Variants in DSCAML1 observed in about 807,000 individuals in gnomAD.
DSCAML1 encodes the protein DS cell adhesion molecule like 1, also known as cell adhesion molecule DSCAML1.
In DSCAML1, 38 loss-of-function variants were observed where a neutral mutation model predicts 200.5. The observed-to-expected ratio is 0.19, with a 90% confidence interval of 0.15 to 0.25. The LOEUF (loss-of-function observed/expected upper bound fraction) is 0.25, where lower values mean the gene tolerates loss of function less well. Among genes scored for constraint, DSCAML1 ranks in the 10% least tolerant of loss-of-function variants. DSCAML1 has a pLI of 1.00. For synonymous variants in DSCAML1, 1,215 were observed against 1,165.0 expected (o/e 1.04, Z -0.87); for missense variants, 2,223 against 2,858.8 (o/e 0.78, Z 5.07).
chr11:117,698,164 G>T (rs1256988647), intron 3 of DSCAML1, among the ~76,000 whole-genome samples: 1 of 152,214 alleles, frequency 6.6e-6, no homozygotes, highest in Non-Finnish European at 1.5e-5. Flanking sequence ...CCCTTGGGTT[G>T]TTTCCACCTT....
At chr11:117,453,977 C>A (rs1370981804) in intron 19 of DSCAML1, among the ~76,000 whole-genome samples, 1 of 152,130 alleles carries the variant, frequency 6.6e-6, no homozygotes, top group Non-Finnish European at 1.5e-5. Context: ...CTCCTGACCT[C>A]ATGATCGACC....
At chr11:117,552,901 T>C (rs898906452) in intron 3 of DSCAML1, among the ~76,000 whole-genome samples, 4 of 152,194 alleles carry the variant, frequency 2.6e-5, no homozygotes, top group Non-Finnish European at 5.9e-5. Flanking sequence ...TTACTACAAG[T>C]GCGCGATGTG....
At position 117,726,376 on chromosome 11, in the gene DSCAML1, C is replaced by T. The variant is rs527268984; in HGVS notation, c.511+50415G>A. On this transcript the variant is annotated intron_variant, in intron 3 of 32. Transcript: ENST00000651296. ...GGGGAAGGGAGAGGAGGGACATCAC[C>T]TTGGGGCAATTTGTTGTTGTTAGTA... is the stretch of plus-strand genomic sequence containing the variant. Among the ~76,000 whole-genome samples the T allele has an allele frequency of 3.3e-5, 5 of 151,960 alleles. No homozygotes were observed. In the South Asian group the frequency reaches 1.0e-3, roughly 32 times the overall value.
intron 3 of DSCAML1, among the ~76,000 whole-genome samples, chr11:117,569,722 G>A (rs1158258768): frequency 3.3e-5 from 5 of 152,184 alleles, no homozygotes; most frequent in Non-Finnish European, 7.3e-5. Context: ...CTGCAGCCAG[G>A]TAGGCTTGTG....
chr11:117,553,152 G>A (rs866192858), intron 3 of DSCAML1, among the ~76,000 whole-genome samples: 1 of 152,200 alleles, frequency 6.6e-6, no homozygotes, highest in Non-Finnish European at 1.5e-5. Context: ...TCGAAGGCCT[G>A]AGTGCAAGAG....
chr11:117,749,355 C>T (rs2054567008), intron 3 of DSCAML1, among the ~76,000 whole-genome samples: 1 of 152,246 alleles, frequency 6.6e-6, no homozygotes, highest in Non-Finnish European at 1.5e-5. Context: ...ACGAGCCTTC[C>T]TCCCAGAAGC....
intron 3 of DSCAML1, among the ~76,000 whole-genome samples, chr11:117,760,469 G>C (rs759181816): frequency 2.0e-5 from 3 of 152,186 alleles, no homozygotes; most frequent in African/African-American, 4.8e-5. Context: ...TTGTACAAAT[G>C]GCACCATAAT....
intron 3 of DSCAML1, among the ~76,000 whole-genome samples, chr11:117,679,656 C>A (rs753965840): frequency 1.3e-5 from 2 of 152,214 alleles, no homozygotes; most frequent in African/African-American, 2.4e-5. Context: ...ACCTTCCCTG[C>A]TGTCTAGGCT....
chr11:117,745,520 G>A (rs954264397), intron 3 of DSCAML1, among the ~76,000 whole-genome samples: 13 of 152,070 alleles, frequency 8.5e-5, no homozygotes, highest in Admixed American at 3.3e-4. Context: ...GGGTCTTCCC[G>A]GCCCTCCTAG....
chr11:117,732,211 A>G (rs573406326), intron 3 of DSCAML1, among the ~76,000 whole-genome samples: 8 of 152,326 alleles, frequency 5.3e-5, no homozygotes, highest in Non-Finnish European at 1.0e-4. Context: ...AAGCTTTTGC[A>G]TATATTCCAT....
At chr11:117,746,049 C>CT (rs1238161975) in intron 3 of DSCAML1, among the ~76,000 whole-genome samples, 1 of 148,954 alleles carries the variant, frequency 6.7e-6, no homozygotes, top group African/African-American at 2.5e-5. Flanking sequence ...CCTGTCTCTA[C>CT]TAAAAAAAAA....
intron 3 of DSCAML1, among the ~76,000 whole-genome samples, chr11:117,747,144 G>A (rs1443804172): frequency 2.0e-5 from 3 of 152,154 alleles, no homozygotes; most frequent in Non-Finnish European, 4.4e-5. Flanking sequence ...CCCTTCCTGA[G>A]TCTTCACCAC....
intron 3 of DSCAML1, among the ~76,000 whole-genome samples, chr11:117,706,396 T>G (rs1287701048): frequency 1.3e-5 from 2 of 152,198 alleles, no homozygotes; most frequent in Non-Finnish European, 2.9e-5. Context: ...CTTCTAACTT[T>G]CCCATGACTC....
intron 8 of DSCAML1, among the ~76,000 whole-genome samples, chr11:117,507,918 T>TCGGGC (rs2049535224): frequency 6.6e-6 from 1 of 152,176 alleles, no homozygotes. Context: ...GCCTTAGACA[T>TCGGGC]CTTCAGATAG....
At chr11:117,454,562 T>C (rs1213445984) in intron 19 of DSCAML1, among the ~76,000 whole-genome samples, 2 of 152,246 alleles carry the variant, frequency 1.3e-5, no homozygotes, top group East Asian at 1.9e-4. Flanking sequence ...TTAAAGTCCA[T>C]GTTTGATAAA....
At chr11:117,514,511 T>C (rs1306387280) in intron 8 of DSCAML1, among the ~76,000 whole-genome samples, 3 of 152,110 alleles carry the variant, frequency 2.0e-5, no homozygotes, top group Non-Finnish European at 4.4e-5. Flanking sequence ...TCTGGAGTTA[T>C]GCAGACCTGG....
Position 117,431,084 on chromosome 11 carries a change from AGACT to A in DSCAML1, c.5375-55_5375-52del, listed in dbSNP as rs1310405546. On this transcript the variant is annotated intron_variant, in intron 31 of 32. Transcript: ENST00000651296. ...GGTTACGGGGAGGAGGGTATAAGTGAGACTGACTGAGCACTTCCCCTGCCCGTAA... is the reference window on the plus strand; with the variant it reads ...GGTTACGGGGAGGAGGGTATAAGTGAGACTGAGCACTTCCCCTGCCCGTAA... 5 of 1,521,312 alleles carry A rather than the reference AGACT, an allele frequency of 3.3e-6. No homozygotes were observed. In the South Asian group the frequency reaches 3.7e-5, roughly 11 times the overall value. 94.2% of individuals were successfully genotyped at this position (1,521,312 alleles called of 1,614,324 possible).
rs540198401 is a variant in DSCAML1 at position 117,498,365 on chromosome 11, G to C, written c.2359+5480C>G. ...GTCACGGCGGTGGCAGGGCCCATCCGTGGGAGGACAGTCTGTGGAGGAGCC... is the reference window on the plus strand; with the variant it reads ...GTCACGGCGGTGGCAGGGCCCATCCCTGGGAGGACAGTCTGTGGAGGAGCC... On this transcript the variant is annotated intron_variant, in intron 11 of 32. Coordinates refer to ENST00000651296, the MANE Select transcript of DSCAML1 (RefSeq NM_020693.4). This position sits in a 1 kb window ranked among gnomAD's most constrained non-coding sequence, Gnocchi z 4.0. 6.6e-6 allele frequency among the ~76,000 whole-genome samples: 1 copy of C among 152,336 alleles called. No homozygotes were observed. Among genetic ancestry groups the C allele is most frequent in the African/African-American group, 2.4e-5 (1 of 41,584 alleles).
At chr11:117,532,236 G>T (rs2050094476) in intron 4 of DSCAML1, 140 bp downstream of exon 4, 1 of 769,896 alleles carries the variant, frequency 1.3e-6, no homozygotes, top group Non-Finnish European at 1.9e-6. Flanking sequence ...TTCAGTACCT[G>T]ATTTCTTTAA....
Sources: gnomAD v4.1 joint callset for allele counts (sites outside exome capture counted in the v4.1 genomes callset) on GRCh38, gnomAD v4.1.1 for gene constraint, Gnocchi (gnomAD v3.1) non-coding constraint, MANE v1.5 for transcripts, NCBI Gene and HGNC (gene_info 2026-07-23, HGNC 2026-07-21) for gene names.